The following ERP44 variants were observed in gnomAD, a reference collection of about 807,000 sequenced individuals.
ERP44 encodes the protein endoplasmic reticulum protein 44.
ERP44 carries 25 observed loss-of-function variants against 53.4 expected under a neutral mutation model. The observed-to-expected ratio is 0.47, with a 90% CI of 0.34 to 0.65. The LOEUF (loss-of-function observed/expected upper bound fraction) is 0.65, where lower values mean the gene tolerates loss of function less well. Among genes scored for constraint, ERP44 ranks in the 30% least tolerant of loss-of-function variants. The probability of loss-of-function intolerance (pLI) is 0.01; values close to 1 mark genes in which losing one functional copy is unlikely to be tolerated. For synonymous variants in ERP44, 145 were observed against 161.2 expected (o/e 0.90, Z 0.76); for missense variants, 338 against 493.2 (o/e 0.69, Z 2.98).
At chr9:100,002,705 ATAAT>A (rs1258203779) in intron 10 of ERP44, among the ~76,000 whole-genome samples, 1 of 151,676 alleles carries the variant, frequency 6.6e-6, no homozygotes, top group African/African-American at 2.4e-5. Context: ...TGCTGCTTTC[ATAAT>A]CTTCTCTTGC....
intron 10 of ERP44, chr9:99,998,368 C>A: frequency 1.7e-6 from 1 of 593,338 alleles, no homozygotes; most frequent in East Asian, 3.0e-5. Context: ...CCTCCCGCTT[C>A]CGCCACACGC....
intron 10 of ERP44, among the ~76,000 whole-genome samples, chr9:99,990,178 G>C (rs1830238114): frequency 6.6e-6 from 1 of 152,124 alleles, no homozygotes; most frequent in South Asian, 2.1e-4. Flanking sequence ...ACACCACAAA[G>C]ATACTCCTCG....
At chr9:100,056,429 T>A (rs1049950067) in intron 3 of ERP44, among the ~76,000 whole-genome samples, 2 of 152,248 alleles carry the variant, frequency 1.3e-5, no homozygotes, top group African/African-American at 4.8e-5. Flanking sequence ...AGCCACATTT[T>A]AAGCAAAGTG....
chr9:99,991,931 T>C (rs1830261011), intron 10 of ERP44, among the ~76,000 whole-genome samples: 2 of 152,296 alleles, frequency 1.3e-5, no homozygotes, highest in East Asian at 1.9e-4. Context: ...AATGGATAAA[T>C]TCCTGGATGC....
intron 4 of ERP44, 120 bp from the exon 5 acceptor site, chr9:100,022,346 C>T: frequency 3.1e-6 from 2 of 638,130 alleles, no homozygotes; most frequent in Non-Finnish European, 5.1e-6. Context: ...CATTGTTTTT[C>T]AGTGAGAGAG....
At chr9:99,990,694 GC>G (rs1830243883) in intron 10 of ERP44, among the ~76,000 whole-genome samples, 1 of 152,148 alleles carries the variant, frequency 6.6e-6, no homozygotes, top group Non-Finnish European at 1.5e-5. Flanking sequence ...TGGGCTAAAT[GC>G]CCCAATTAAA....
chr9:100,010,153 G>T (rs377729937), intron 8 of ERP44, among the ~76,000 whole-genome samples: 22 of 152,246 alleles, frequency 1.4e-4, no homozygotes, highest in African/African-American at 5.3e-4. Context: ...ATAAACAAAT[G>T]TTGCTAAATA....
intron 1 of ERP44, among the ~76,000 whole-genome samples, chr9:100,084,360 T>TA (rs1826459191): frequency 6.6e-6 from 1 of 152,234 alleles, no homozygotes; most frequent in Non-Finnish European, 1.5e-5. Context: ...ACTCTGGACT[T>TA]ATGCACAAGG....
intron 4 of ERP44, among the ~76,000 whole-genome samples, chr9:100,028,513 T>G (rs1035163525): frequency 1.3e-5 from 2 of 152,258 alleles, no homozygotes; most frequent in Non-Finnish European, 2.9e-5. Flanking sequence ...TGTGTCTATG[T>G]GTGTTTCGAA....
At chr9:100,060,380 T>C (rs574433817) in intron 1 of ERP44, among the ~76,000 whole-genome samples, 185 of 152,256 alleles carry the variant, frequency 1.2e-3, no homozygotes, top group Middle Eastern at 6.8e-3. Context: ...ATTGGTCAAA[T>C]AAAACTTTCT....
chr9:100,042,289 G>T (rs1462883725), intron 4 of ERP44, among the ~76,000 whole-genome samples: 1 of 152,052 alleles, frequency 6.6e-6, no homozygotes, highest in Non-Finnish European at 1.5e-5. Flanking sequence ...ATACAAATGG[G>T]AAACAGGTAT....
intron 7 of ERP44, among the ~76,000 whole-genome samples, chr9:100,017,422 C>T (rs1830535409): frequency 6.6e-6 from 1 of 152,186 alleles, no homozygotes; most frequent in Non-Finnish European, 1.5e-5. Flanking sequence ...AACAACCACA[C>T]TACCACTGAG....
At chr9:100,058,319 T>TC (rs542670364) in intron 2 of ERP44, among the ~76,000 whole-genome samples, 51 of 152,216 alleles carry the variant, frequency 3.4e-4, no homozygotes, top group African/African-American at 1.1e-3. Context: ...TCAAGCAACC[T>TC]CCCACCTTAA....
chr9:100,061,165 G>T (rs1826142019), intron 1 of ERP44, among the ~76,000 whole-genome samples: 1 of 152,158 alleles, frequency 6.6e-6, no homozygotes, highest in African/African-American at 2.4e-5. Flanking sequence ...TTTCTGGGCT[G>T]GGCATGGTGG....
At chr9:100,051,582 T>G (rs894227144) in intron 4 of ERP44, among the ~76,000 whole-genome samples, 1 of 151,658 alleles carries the variant, frequency 6.6e-6, no homozygotes, top group East Asian at 1.9e-4. Context: ...CTCTTAAAAG[T>G]GAGCATTAAA....
Position 100,001,403 on chromosome 9 carries a change from T to C in ERP44, c.1016+5103A>G, listed in dbSNP as rs1564087150. 2.0e-5 allele frequency among the ~76,000 whole-genome samples: 3 copies of C among 152,170 alleles called. No homozygotes were observed. The South Asian group carries it at 6.2e-4, about 32-fold the overall frequency. ...AGTCCAAAATTTCCCTATTTTTCTG[T>C]CTGGATGATGTGGCCCTTGCTGAAA... On this transcript the variant is annotated intron_variant, in intron 10 of 11. Coordinates refer to ENST00000262455, the MANE Select transcript of ERP44 (RefSeq NM_015051.3).
chr9:100,043,751 T>C (rs1267255909), intron 4 of ERP44, among the ~76,000 whole-genome samples: 2 of 151,488 alleles, frequency 1.3e-5, no homozygotes, highest in Non-Finnish European at 2.9e-5. Context: ...CAAGACTCTG[T>C]CTCAAACAGA....
At chr9:100,060,239 C>A in intron 1 of ERP44, 67 bp from the exon 2 acceptor site, 3 of 1,331,952 alleles carry the variant, frequency 2.3e-6, no homozygotes, top group South Asian at 4.0e-5. Flanking sequence ...AAAGCGAAGT[C>A]TAAAAATAAA....
intron 10 of ERP44, among the ~76,000 whole-genome samples, chr9:100,006,013 T>G (rs1363124017): frequency 2.6e-5 from 4 of 152,198 alleles, no homozygotes; most frequent in African/African-American, 7.2e-5. Flanking sequence ...TTACCTATTC[T>G]TGGAACAGTT....
Sources: gnomAD v4.1 joint callset for allele counts (sites outside exome capture counted in the v4.1 genomes callset) on GRCh38, gnomAD v4.1.1 for gene constraint, MANE v1.5 for transcripts, NCBI Gene and HGNC (gene_info 2026-07-23, HGNC 2026-07-21) for gene names.